The following DLG2 variants were observed in gnomAD, a reference collection of about 807,000 sequenced individuals.
DLG2 encodes the protein disks large homolog 2.
Under a neutral mutation model 132.5 loss-of-function variants are expected in DLG2, and 45 were observed. The observed-to-expected ratio is 0.34, with a 90% confidence interval of 0.27 to 0.44. The LOEUF (loss-of-function observed/expected upper bound fraction) is 0.44. Ranked by LOEUF, DLG2 falls within the 20% of genes least tolerant of loss-of-function variation. The probability of loss-of-function intolerance (pLI) is 1.00; values close to 1 mark genes in which losing one functional copy is unlikely to be tolerated. For synonymous variants in DLG2, 424 were observed against 419.6 expected (o/e 1.01, Z -0.13); for missense variants, 1,045 against 1,196.9 (o/e 0.87, Z 1.87).
chr11:85,441,869 C>T (rs1296852395), intron 3 of DLG2, among the ~76,000 whole-genome samples: 1 of 150,696 alleles, frequency 6.6e-6, no homozygotes, highest in African/African-American at 2.4e-5. Context: ...CTATTTAAAA[C>T]ATAATAAATA....
chr11:84,913,187 G>A (rs1012919135), intron 6 of DLG2, among the ~76,000 whole-genome samples: 1 of 152,124 alleles, frequency 6.6e-6, no homozygotes, highest in Non-Finnish European at 1.5e-5. Context: ...AAATTGTCTG[G>A]TTGGCTTCTG....
At chr11:83,941,805 A>C (rs1323401684) in intron 14 of DLG2, among the ~76,000 whole-genome samples, 1 of 152,232 alleles carries the variant, frequency 6.6e-6, no homozygotes, top group East Asian at 1.9e-4. Flanking sequence ...AAATCTATAC[A>C]TAAGCATGCA....
chr11:85,226,519 C>T (rs1019342254), intron 4 of DLG2, among the ~76,000 whole-genome samples: 1 of 152,082 alleles, frequency 6.6e-6, no homozygotes, highest in Non-Finnish European at 1.5e-5. Flanking sequence ...CGCCACTACG[C>T]TCTAGCCTGG....
rs144961062 is a variant in DLG2, at chr11:84,803,773, A to G, written c.358-269042T>C. On this transcript the variant is annotated intron_variant, in intron 6 of 27. Coordinates refer to ENST00000376104, the MANE Select transcript of DLG2 (RefSeq NM_001142699.3). ...ACTAGCCCATAAAGGAGTCCTTACT[A>G]CCTCAAGCATTCTCTGCCACATCTT... 8.5e-5 allele frequency among the ~76,000 whole-genome samples: 13 copies of G among 152,292 alleles called. No homozygotes were observed. In the East Asian group the frequency reaches 2.3e-3, roughly 27 times the overall value.
In DLG2 at chr11:83,910,733, T is replaced by C. The variant is rs191964850; in HGVS notation, c.1496+19595A>G. Among the ~76,000 whole-genome samples the C allele has an allele frequency of 3.1e-3, 477 of 152,238 alleles. 6 individuals carry two copies. The highest frequency in any genetic ancestry group is 2.4e-3 in the Non-Finnish European group (164 of 68,004). On this transcript the variant is annotated intron_variant, in intron 15 of 27. Coordinates refer to ENST00000376104, the MANE Select transcript of DLG2 (RefSeq NM_001142699.3). Reference sequence around the variant, plus strand: ...AAGGAAAAAGTACAGCTATTTTAACTTAGAGAAAAATGTGGTTTTCATACA... The same window carrying C: ...AAGGAAAAAGTACAGCTATTTTAACCTAGAGAAAAATGTGGTTTTCATACA...
chr11:84,245,495 C>A (rs1203278265), intron 8 of DLG2, among the ~76,000 whole-genome samples: 1 of 152,170 alleles, frequency 6.6e-6, no homozygotes, highest in Non-Finnish European at 1.5e-5. Context: ...TTCTACTTTT[C>A]TCTCTCCCTT....
chr11:85,121,994 G>C (rs1007514762), intron 5 of DLG2, among the ~76,000 whole-genome samples: 1 of 152,042 alleles, frequency 6.6e-6, no homozygotes, highest in Non-Finnish European at 1.5e-5. Context: ...GTGTAAATTA[G>C]AGGAAGGAAG....
intron 16 of DLG2, among the ~76,000 whole-genome samples, chr11:83,853,646 G>A (rs1408401339): frequency 6.6e-6 from 1 of 152,088 alleles, no homozygotes; most frequent in Non-Finnish European, 1.5e-5. Context: ...TACTTTGTGA[G>A]TTAGTGTCTG....
At chr11:84,974,162 T>C (rs1290121335) in intron 6 of DLG2, among the ~76,000 whole-genome samples, 1 of 152,146 alleles carries the variant, frequency 6.6e-6, no homozygotes, top group Non-Finnish European at 1.5e-5. Context: ...AAATGAAAAA[T>C]TTCCTTGAAA....
chr11:84,543,014 A>T (rs896761026), intron 6 of DLG2, among the ~76,000 whole-genome samples: 4 of 152,142 alleles, frequency 2.6e-5, no homozygotes, highest in African/African-American at 9.7e-5. Context: ...CATCACTTTT[A>T]TATACCTACT....
intron 3 of DLG2, among the ~76,000 whole-genome samples, chr11:85,508,453 T>G (rs1207357741): frequency 6.6e-6 from 1 of 152,056 alleles, no homozygotes; most frequent in Non-Finnish European, 1.5e-5. Flanking sequence ...TAGAAATGCC[T>G]TTCCTTTCTA....
At chr11:85,499,326 A>G (rs980306200) in intron 3 of DLG2, among the ~76,000 whole-genome samples, 3 of 152,238 alleles carry the variant, frequency 2.0e-5, no homozygotes, top group African/African-American at 7.2e-5. Flanking sequence ...ACTTCTATGC[A>G]AATAAACTAG....
At chr11:84,959,796 C>T (rs2052268363) in intron 6 of DLG2, among the ~76,000 whole-genome samples, 2 of 151,992 alleles carry the variant, frequency 1.3e-5, no homozygotes, top group African/African-American at 2.4e-5. Context: ...AAAAGGTCAA[C>T]CTTGTGTATA....
intron 6 of DLG2, among the ~76,000 whole-genome samples, chr11:85,109,807 T>G (rs183882818): frequency 3.8e-4 from 58 of 152,164 alleles, no homozygotes; most frequent in African/African-American, 1.3e-3. Context: ...AAAACAAAAT[T>G]TCTGAAAACA....
intron 19 of DLG2, among the ~76,000 whole-genome samples, chr11:83,604,027 T>C (rs953557696): frequency 2.0e-5 from 3 of 152,172 alleles, no homozygotes; most frequent in Non-Finnish European, 4.4e-5. Context: ...TAGATAGATT[T>C]CAAAATAAAT....
At chr11:84,577,607 A>G (rs1425885513) in intron 6 of DLG2, among the ~76,000 whole-genome samples, 4 of 152,184 alleles carry the variant, frequency 2.6e-5, no homozygotes, top group African/African-American at 9.7e-5. Context: ...TATCTGACGG[A>G]AAAAAATTTT....
At chr11:84,400,222 G>A (rs1341687307) in intron 7 of DLG2, among the ~76,000 whole-genome samples, 1 of 152,142 alleles carries the variant, frequency 6.6e-6, no homozygotes, top group Non-Finnish European at 1.5e-5. Flanking sequence ...TTTCAAAAGA[G>A]CATTCATATG....
At chr11:84,408,552 G>A (rs2098873769) in intron 7 of DLG2, among the ~76,000 whole-genome samples, 1 of 152,016 alleles carries the variant, frequency 6.6e-6, no homozygotes, top group South Asian at 2.1e-4. Flanking sequence ...AAGTCAATCG[G>A]GGGTTATGGC....
chr11:83,540,608 C>T (rs952579478), intron 20 of DLG2, among the ~76,000 whole-genome samples: 24 of 152,142 alleles, frequency 1.6e-4, no homozygotes, highest in African/African-American at 5.3e-4. Context: ...TCAGTTGTCT[C>T]GGGAGCACAA....
Sources: allele counts gnomAD v4.1 joint callset (sites outside exome capture counted in the v4.1 genomes callset), GRCh38; gene constraint gnomAD v4.1.1; transcripts MANE v1.5; gene names NCBI Gene and HGNC (gene_info 2026-07-23, HGNC 2026-07-21).